Variants in NLGN1 observed in about 807,000 individuals in gnomAD.
The protein encoded by NLGN1 is neuroligin 1.
NLGN1 carries 12 observed loss-of-function variants against 65.5 expected under a neutral mutation model. The ratio of observed to expected loss-of-function variants is 0.18; its 90% CI spans 0.12 to 0.30. NLGN1 has a LOEUF of 0.30. NLGN1 is among the 10% of genes least tolerant of loss of function. The pLI is 1.00. For missense variants in NLGN1, 750 were observed against 1,007.1 expected, an observed-to-expected ratio of 0.74 and a Z score of 3.46; for synonymous variants, 350 against 359.5, an observed-to-expected ratio of 0.97 and a Z score of 0.30.
intron 3 of NLGN1, among the ~76,000 whole-genome samples, chr3:173,661,509 A>G (rs953246472): frequency 1.3e-5 from 2 of 152,030 alleles, no homozygotes; most frequent in African/African-American, 4.8e-5. Flanking sequence ...TACACCACAT[A>G]GTGGTAAGCG....
chr3:173,494,418 C>G (rs1224983858), intron 2 of NLGN1, among the ~76,000 whole-genome samples: 2 of 150,152 alleles, frequency 1.3e-5, no homozygotes, highest in African/African-American at 4.9e-5. Flanking sequence ...TTGTAGTTAT[C>G]CTTAATATAT....
chr3:174,267,652 A>C (rs936000257), intron 4 of NLGN1, among the ~76,000 whole-genome samples: 1 of 152,082 alleles, frequency 6.6e-6, no homozygotes, highest in Admixed American at 6.5e-5. Flanking sequence ...AATGCTACCC[A>C]CACTGCATCT....
In NLGN1 at chr3:173,617,977, G is replaced by T. The variant is rs890118158; in HGVS notation, c.493+12886G>T. 1.1e-4 allele frequency among the ~76,000 whole-genome samples: 16 copies of T among 151,760 alleles called. No individual in the cohort carries two copies. The South Asian group carries it at 3.1e-3, about 30-fold the overall frequency. ...TCTGTAAATAGGACTTCTTGCTAAC[G>T]TTTTCTCCAAGGCATTTAACTTGAG... On this transcript the variant is annotated intron_variant, in intron 3 of 6. Coordinates refer to ENST00000457714, the Ensembl canonical transcript of NLGN1.
chr3:173,490,476 A>G (rs1156881659), intron 2 of NLGN1, among the ~76,000 whole-genome samples: 4 of 152,142 alleles, frequency 2.6e-5, no homozygotes, highest in Non-Finnish European at 5.9e-5. Flanking sequence ...TACCAGTACC[A>G]TGCTGTTTTG....
At chr3:173,405,255 C>G (rs986858844) in intron 1 of NLGN1, among the ~76,000 whole-genome samples, 2 of 152,026 alleles carry the variant, frequency 1.3e-5, no homozygotes, top group African/African-American at 4.8e-5. Flanking sequence ...GTTGATTTTA[C>G]TAGAATGTGA....
chr3:173,991,801 TG>T (rs2152413072), intron 4 of NLGN1, among the ~76,000 whole-genome samples: 1 of 152,164 alleles, frequency 6.6e-6, no homozygotes, highest in East Asian at 1.9e-4. Flanking sequence ...TGTGTTTTTT[TG>T]TTGTTGTTGT....
At chr3:174,278,458 A>G (rs1750992128) in intron 5 of NLGN1, among the ~76,000 whole-genome samples, 1 of 152,016 alleles carries the variant, frequency 6.6e-6, no homozygotes, top group Non-Finnish European at 1.5e-5. Context: ...TGGAGGAAAT[A>G]TTCCAAACAG....
At chr3:173,937,134 C>T (rs1399194924) in intron 4 of NLGN1, among the ~76,000 whole-genome samples, 1 of 152,024 alleles carries the variant, frequency 6.6e-6, no homozygotes, top group Admixed American at 6.6e-5. Flanking sequence ...CAGTGAGCAA[C>T]CAGACCAAAA....
chr3:173,687,587 A>G (rs185235476), intron 3 of NLGN1, among the ~76,000 whole-genome samples: 40 of 152,330 alleles, frequency 2.6e-4, no homozygotes, highest in African/African-American at 8.7e-4. Flanking sequence ...AAACAGTTGT[A>G]TTTTGGGAGA....
At chr3:173,622,725 T>G (rs1445268063) in intron 3 of NLGN1, among the ~76,000 whole-genome samples, 1 of 152,070 alleles carries the variant, frequency 6.6e-6, no homozygotes, top group Non-Finnish European at 1.5e-5. Context: ...AGGGCAGATA[T>G]TACACCCATG....
chr3:173,944,669 G>A (rs1746829945), intron 4 of NLGN1, among the ~76,000 whole-genome samples: 1 of 152,188 alleles, frequency 6.6e-6, no homozygotes, highest in Non-Finnish European at 1.5e-5. Context: ...CAACTGGAAA[G>A]TGTGAAACTC....
intron 3 of NLGN1, among the ~76,000 whole-genome samples, chr3:173,612,444 G>A (rs1752438707): frequency 6.6e-6 from 1 of 152,022 alleles, no homozygotes. Context: ...CTTTCTGGAG[G>A]CTCTACAGGA....
At chr3:173,678,651 A>T (rs7618659) in intron 3 of NLGN1, among the ~76,000 whole-genome samples, 2,213 of 152,188 alleles carry the variant, frequency 0.015, 68 homozygotes, top group African/African-American at 0.051. Context: ...AGATCCTCTG[A>T]GGTCTGATTT....
chr3:173,451,561 G>A (rs1721528891), intron 2 of NLGN1, among the ~76,000 whole-genome samples: 1 of 152,172 alleles, frequency 6.6e-6, no homozygotes, highest in Non-Finnish European at 1.5e-5. Flanking sequence ...GCTGTGTGCT[G>A]GGAGAACCAC....
chr3:173,891,280 G>A lies in NLGN1; in HGVS notation c.646+83448G>A, dbSNP rs564236577. Among the ~76,000 whole-genome samples, 5 of 152,208 alleles carry A rather than the reference G, an allele frequency of 3.3e-5. No homozygotes were observed. In the South Asian group the frequency reaches 1.0e-3, roughly 32 times the overall value. On this transcript the variant is annotated intron_variant, in intron 4 of 6. Transcript: ENST00000457714. ...AATCAAAATAGCAAATATATAGCCTGATCTCTCAGTTCCCAAGTGGAAGGA... is the reference window on the plus strand; with the variant it reads ...AATCAAAATAGCAAATATATAGCCTAATCTCTCAGTTCCCAAGTGGAAGGA...
At chr3:173,514,595 G>A (rs1283650082) in intron 2 of NLGN1, among the ~76,000 whole-genome samples, 1 of 152,122 alleles carries the variant, frequency 6.6e-6, no homozygotes, top group Non-Finnish European at 1.5e-5. Context: ...ATGTCACACA[G>A]CACGTATCAA....
chr3:174,236,166 T>G (rs918593643), intron 4 of NLGN1, among the ~76,000 whole-genome samples: 5 of 152,120 alleles, frequency 3.3e-5, no homozygotes, highest in African/African-American at 1.2e-4. Flanking sequence ...ATACAATCAG[T>G]TTTGATAAAT....
At chr3:174,226,390 C>T (rs1739701590) in intron 4 of NLGN1, among the ~76,000 whole-genome samples, 1 of 152,052 alleles carries the variant, frequency 6.6e-6, no homozygotes, top group South Asian at 2.1e-4. Flanking sequence ...AAAGAGTGAG[C>T]CTAACAGGTC....
At position 173,867,452 on chromosome 3, in the gene NLGN1, A is replaced by G. The variant is rs1730382823; in HGVS notation, c.646+59620A>G. ...TTATAATACGGTTCTGACTTTTATT[A>G]TCTTTGATAAATAAATTGAGCTTTA... On this transcript the variant is annotated intron_variant, in intron 4 of 6. Coordinates refer to ENST00000457714, the Ensembl canonical transcript of NLGN1. Among the ~76,000 whole-genome samples, 3 of 152,252 alleles carry G rather than the reference A, an allele frequency of 2.0e-5. No homozygotes were observed. The South Asian group carries it at 6.2e-4, about 32-fold the overall frequency.
Sources: allele counts gnomAD v4.1 joint callset (sites outside exome capture counted in the v4.1 genomes callset), GRCh38; gene constraint gnomAD v4.1.1; transcripts MANE v1.5; gene names NCBI Gene and HGNC (gene_info 2026-07-23, HGNC 2026-07-21).